Variants in ARL3 observed in about 807,000 individuals in gnomAD.
ARL3 encodes ADP-ribosylation factor-like protein 3.
In ARL3, 9 loss-of-function variants were observed where a neutral mutation model predicts 26.0. That is an observed-to-expected ratio of 0.35 (90% CI 0.21 to 0.60). The LOEUF is 0.60. ARL3 is among the 20% of genes least tolerant of loss of function. The pLI is 0.78. For synonymous variants in ARL3, 71 were observed against 78.4 expected, an observed-to-expected ratio of 0.91 and a Z score of 0.50; for missense variants, 158 against 215.7, an observed-to-expected ratio of 0.73 and a Z score of 1.67.
chr10:102,711,334 GTGTATA>G (rs766219004), intron 1 of ARL3, among the ~76,000 whole-genome samples: 4,564 of 137,382 alleles, frequency 0.033, 92 homozygotes, highest in Non-Finnish European at 0.048. Flanking sequence ...GTGTGTGTGT[GTGTATA>G]TATATATATA....
intron 4 of ARL3, among the ~76,000 whole-genome samples, chr10:102,688,307 C>T (rs1176207104): frequency 2.0e-5 from 3 of 152,132 alleles, no homozygotes; most frequent in African/African-American, 7.2e-5. Flanking sequence ...CCTCCAAGCT[C>T]ATTTCACATG....
chr10:102,699,094 C>T (rs2064264750), intron 3 of ARL3, among the ~76,000 whole-genome samples: 1 of 152,210 alleles, frequency 6.6e-6, no homozygotes, highest in Non-Finnish European at 1.5e-5. Context: ...CTTCTGACTT[C>T]CCTTCTGCTA....
chr10:102,705,731 T>A (rs1379393998), intron 1 of ARL3, among the ~76,000 whole-genome samples: 1 of 152,206 alleles, frequency 6.6e-6, no homozygotes, highest in African/African-American at 2.4e-5. Context: ...TCAATCTAGC[T>A]TAGCAGTCAC....
chr10:102,686,070 A>AT, intron 4 of ARL3, 69 bp from the exon 5 acceptor site: 3 of 1,146,784 alleles, frequency 2.6e-6, no homozygotes, highest in South Asian at 1.8e-5. Context: ...ACCATACACT[A>AT]CTTTTTTTTT....
intron 1 of ARL3, among the ~76,000 whole-genome samples, chr10:102,707,665 C>T (rs1476883273): frequency 2.6e-5 from 4 of 152,218 alleles, no homozygotes; most frequent in Non-Finnish European, 4.4e-5. Flanking sequence ...CAATCATACG[C>T]AAATATGCAT....
At chr10:102,677,303 C>A (rs1221361445) in intron 5 of ARL3, among the ~76,000 whole-genome samples, 1 of 152,216 alleles carries the variant, frequency 6.6e-6, no homozygotes, top group Non-Finnish European at 1.5e-5. Flanking sequence ...AAAAGGTGAC[C>A]TTTGCCAGGG....
At chr10:102,683,291 C>G (rs899837084) in intron 5 of ARL3, among the ~76,000 whole-genome samples, 1 of 152,176 alleles carries the variant, frequency 6.6e-6, no homozygotes, top group Non-Finnish European at 1.5e-5. Context: ...GGACAATAGA[C>G]AGCAGATTCC....
intron 1 of ARL3, among the ~76,000 whole-genome samples, chr10:102,705,753 T>A (rs553694059): frequency 2.6e-5 from 4 of 152,208 alleles, no homozygotes; most frequent in African/African-American, 9.6e-5. Context: ...CCAAATCTCC[T>A]GGGAGTGTGA....
chr10:102,677,018 C>T lies in ARL3; in HGVS notation c.502-77G>A, dbSNP rs1160884003. ...ACACACTCTAGCCTGGAGGGGCGGG[C>T]AGTGGGGGTCCCAGGCCCTCCCTCC... On this transcript the variant is annotated intron_variant, in intron 5 of 5. Coordinates refer to ENST00000260746, the MANE Select transcript of ARL3 (RefSeq NM_004311.4). 5 of 1,517,738 alleles carry T rather than the reference C, an allele frequency of 3.3e-6. No individual in the cohort carries two copies. The South Asian group carries it at 4.5e-5, about 14-fold the overall frequency. The allele number at this position is 1,517,738 out of a possible 1,614,324, so 94.0% of individuals were successfully genotyped here.
At chr10:102,687,507 G>A (rs1406244320) in intron 4 of ARL3, among the ~76,000 whole-genome samples, 1 of 151,886 alleles carries the variant, frequency 6.6e-6, no homozygotes, top group Non-Finnish European at 1.5e-5. Context: ...GACCAATATG[G>A]TGAAACCCTG....
chr10:102,675,942 CG>C lies in ARL3; in HGVS notation c.*951del, dbSNP rs1156287516. ...TCTGATAGCAGCGGCCTATTGTGAT[CG>C]TTTAAACACAGAATTCTTTGAGCTT... On this transcript the variant is annotated 3_prime_UTR_variant, in exon 6 of 6. Coordinates refer to ENST00000260746, the MANE Select transcript of ARL3 (RefSeq NM_004311.4). 6.6e-6 allele frequency: 1 copy of C among 152,572 alleles called. No individual in the cohort carries two copies. Among genetic ancestry groups the C allele is most frequent in the African/African-American group, 2.4e-5 (1 of 41,418 alleles). The allele number at this position is 152,572 out of a possible 1,614,324, so 9.5% of individuals were successfully genotyped here. A position where few individuals can be genotyped will look rare whatever the true frequency, so the allele number is the denominator to read the frequency against.
Position 102,674,891 on chromosome 10 carries a change from A to G in ARL3, c.*2003T>C, listed in dbSNP as rs1471969283. On this transcript the variant is annotated 3_prime_UTR_variant, in exon 6 of 6. Transcript: ENST00000260746. The stretch of plus-strand genomic sequence containing the variant: ...GGAGAGGCCTTGGGATGGCTCTTTA[A>G]AACAGTCCCCTAAGTTGGTGGTAAA... 6.6e-6 allele frequency: 1 copy of G among 152,168 alleles called. No homozygotes were observed. The allele number at this position is 152,168 out of a possible 1,614,324, so 9.4% of individuals were successfully genotyped here.
In ARL3 at chr10:102,699,355, G is replaced by C. The variant is rs368423217; in HGVS notation, c.264+18C>G. The C allele has an allele frequency of 7.0e-7, 1 of 1,425,452 alleles. No individual in the cohort carries two copies. Among genetic ancestry groups the C allele is most frequent in the South Asian group, 1.1e-5 (1 of 86,970 alleles). The allele number at this position is 1,425,452 out of a possible 1,614,324, so 88.3% of individuals were successfully genotyped here. ...GGCAGAAAATACTATGAATTAGTGC[G>C]TCAGAAGGAGTACTTACAAGAATAT... On this transcript the variant is annotated intron_variant, in intron 3 of 5. Transcript: ENST00000260746.
chr10:102,679,417 C>T (rs944704725), intron 5 of ARL3, among the ~76,000 whole-genome samples: 11 of 152,186 alleles, frequency 7.2e-5, no homozygotes, highest in Admixed American at 7.2e-4. Flanking sequence ...CTTGTAGAAG[C>T]CTGCAAAGTA....
intron 2 of ARL3, among the ~76,000 whole-genome samples, chr10:102,704,724 AAC>A (rs1335319033): frequency 2.0e-5 from 3 of 152,210 alleles, no homozygotes; most frequent in African/African-American, 4.8e-5. Flanking sequence ...TATACACACA[AAC>A]ACACACATGT....
At chr10:102,710,904 T>TA (rs1402855590) in intron 1 of ARL3, among the ~76,000 whole-genome samples, 43 of 152,284 alleles carry the variant, frequency 2.8e-4, no homozygotes, top group African/African-American at 1.0e-3. Flanking sequence ...TGCCCTGACC[T>TA]AAAACAATAC....
intron 2 of ARL3, among the ~76,000 whole-genome samples, chr10:102,700,589 C>T (rs1162265754): frequency 3.3e-5 from 5 of 151,220 alleles, no homozygotes; most frequent in South Asian, 2.1e-4. Context: ...CTCAGCCTCC[C>T]GAGTAGCTGG....
intron 2 of ARL3, 83 bp from the exon 3 acceptor site, chr10:102,699,572 T>G: frequency 8.1e-6 from 6 of 745,002 alleles, no homozygotes; most frequent in Non-Finnish European, 1.4e-5. Context: ...GCTATGTTTT[T>G]TATTAATTCT....
intron 3 of ARL3, among the ~76,000 whole-genome samples, chr10:102,695,415 G>A (rs1255484749): frequency 6.6e-6 from 1 of 152,152 alleles, no homozygotes; most frequent in African/African-American, 2.4e-5. Flanking sequence ...AATTTCAATT[G>A]TTCACTGCTG....
Sources: gnomAD v4.1 joint callset for allele counts (sites outside exome capture counted in the v4.1 genomes callset) on GRCh38, gnomAD v4.1.1 for gene constraint, MANE v1.5 for transcripts, NCBI Gene and HGNC (gene_info 2026-07-23, HGNC 2026-07-21) for gene names.